EIF2AK2: variants seen among roughly 807,000 people sequenced by gnomAD.
EIF2AK2 encodes interferon-induced, double-stranded RNA-activated protein kinase.
Under a neutral mutation model 70.5 loss-of-function variants are expected in EIF2AK2, and 40 were observed. The observed-to-expected ratio is 0.57, with a 90% confidence interval of 0.44 to 0.74. The LOEUF (loss-of-function observed/expected upper bound fraction) is 0.74, where lower values mean the gene tolerates loss of function less well. Among genes scored for constraint, EIF2AK2 ranks in the 30% least tolerant of loss-of-function variants. EIF2AK2 has a pLI of 0.00. For missense variants in EIF2AK2, 555 were observed against 644.3 expected (o/e 0.86, Z 1.50); for synonymous variants, 198 against 220.9 (o/e 0.90, Z 0.92).
rs70949733 is a variant in EIF2AK2 at position 37,121,262 on chromosome 2, C to CAAA, written c.1068-1126_1068-1124dup. The stretch of plus-strand genomic sequence containing the variant: ...TGTGCGACAGTGCGAGACACCGTCT[C>CAAA]AAAAAAAAAAAAAAAAAAAAAAACG... On this transcript the variant is annotated intron_variant, in intron 12 of 16. Coordinates refer to ENST00000233057, the MANE Select transcript of EIF2AK2 (RefSeq NM_001135651.3). Among the ~76,000 whole-genome samples, 276 of 72,522 alleles carry CAAA rather than the reference C, an allele frequency of 3.8e-3. 2 individuals carry two copies. Among genetic ancestry groups the CAAA allele is most frequent in the Middle Eastern group, 0.013 (1 of 80 alleles). 47.6% of individuals were successfully genotyped at this position (72,522 alleles called of 152,430 possible).
chr2:37,120,025 G>A lies in EIF2AK2; in HGVS notation c.1182C>T (p.Leu394=), dbSNP rs773284307. ...CCACCCCTTTTGTTATTTGTTCAAA[G>A]AGTTCCAAAGCCAAAACTTTGTCTA... ...EKLDKVLALE[L]FEQITKGVDY... The change falls in exon 13 of 17, where the codon CTC becomes CTT. Residue 394 remains leucine, a synonymous_variant. Transcript: ENST00000233057. 1.3e-6 allele frequency: 2 copies of A among 1,558,434 alleles called. No homozygotes were observed. Among genetic ancestry groups the A allele is most frequent in the Non-Finnish European group, 1.7e-6 (2 of 1,148,680 alleles).
At position 37,142,793 on chromosome 2, in the gene EIF2AK2, T is replaced by C. The variant is rs996790698; in HGVS notation, c.241-1092A>G. ...GACTTCATGTTTCATTTTATAAGCATTGCTACACTATCTCCTGGTTTATAA... is the reference window on the plus strand; with the variant it reads ...GACTTCATGTTTCATTTTATAAGCACTGCTACACTATCTCCTGGTTTATAA... On this transcript the variant is annotated intron_variant, in intron 4 of 16. Transcript: ENST00000233057. Among the ~76,000 whole-genome samples the C allele has an allele frequency of 2.0e-5, 3 of 152,340 alleles. No individual in the cohort carries two copies. The East Asian group carries it at 5.8e-4, about 29-fold the overall frequency.
intron 10 of EIF2AK2, among the ~76,000 whole-genome samples, chr2:37,130,530 T>C (rs1174876910): frequency 6.6e-6 from 1 of 152,254 alleles, no homozygotes; most frequent in African/African-American, 2.4e-5. Context: ...GTTCTGTTTG[T>C]CCTGTTGTCC....
chr2:37,152,110 A>C (rs1307667682), intron 1 of EIF2AK2, among the ~76,000 whole-genome samples: 1 of 152,214 alleles, frequency 6.6e-6, no homozygotes, highest in Non-Finnish European at 1.5e-5. Context: ...TAAACCTCAA[A>C]AACATTATGC....
intron 1 of EIF2AK2, among the ~76,000 whole-genome samples, chr2:37,154,392 G>C (rs534989016): frequency 6.6e-6 from 1 of 151,968 alleles, no homozygotes; most frequent in East Asian, 1.9e-4. Flanking sequence ...GTCTCCACAA[G>C]CCACTGAAAT....
Position 37,147,533 on chromosome 2 carries a change from G to A in EIF2AK2, c.119+155C>T, listed in dbSNP as rs1316842580. ...TGTGTCCATGTGTTCTCATTGCTCA[G>A]TTCTCACCTATGAGTGAGAACATGC... On this transcript the variant is annotated intron_variant, in intron 3 of 16. Coordinates refer to ENST00000233057, the MANE Select transcript of EIF2AK2 (RefSeq NM_001135651.3). Among the ~76,000 whole-genome samples the A allele has an allele frequency of 4.3e-5, 6 of 139,288 alleles. No homozygotes were observed. In the East Asian group the frequency reaches 1.3e-3, roughly 30 times the overall value. The allele number at this position is 139,288 out of a possible 152,430, so 91.4% of individuals were successfully genotyped here. A position where few individuals can be genotyped will look rare whatever the true frequency, so the allele number is the denominator to read the frequency against.
chr2:37,147,864 C>A, intron 2 of EIF2AK2, 42 bp from the exon 3 acceptor site: 1 of 1,384,010 alleles, frequency 7.2e-7, no homozygotes, highest in Non-Finnish European at 1.0e-6. Context: ...GCTCACAGAA[C>A]ATATTTAATC....
intron 5 of EIF2AK2, 21 bp downstream of exon 5, chr2:37,141,532 A>G (rs369855905): frequency 4.4e-6 from 7 of 1,601,640 alleles, no homozygotes; most frequent in Admixed American, 1.8e-5. Context: ...AAACAGAAAG[A>G]AAAGCCAAAT....
At chr2:37,109,099 A>G in intron 15 of EIF2AK2, 95 bp downstream of exon 15, 7 of 1,038,702 alleles carry the variant, frequency 6.7e-6, no homozygotes, top group Non-Finnish European at 8.7e-6. Flanking sequence ...GCTCAAGCCC[A>G]TCCTCACGTG....
intron 1 of EIF2AK2, among the ~76,000 whole-genome samples, chr2:37,154,356 C>CA (rs1203581701): frequency 6.6e-6 from 1 of 151,294 alleles, no homozygotes; most frequent in Non-Finnish European, 1.5e-5. Flanking sequence ...AACAAACAAA[C>CA]AAAAAAACAT....
rs1444570023 is a variant in EIF2AK2 at position 37,101,778 on chromosome 2, C to A, written c.*5495G>T. ...AATGTTGGATCTAGATTTCAACAAC[C>A]AAGAAAACTGTATTTTTGAGATAGA... On this transcript the variant is annotated 3_prime_UTR_variant, in exon 17 of 17. Transcript: ENST00000233057. The A allele has an allele frequency of 6.6e-6, 1 of 152,004 alleles. No homozygotes were observed. Among genetic ancestry groups the A allele is most frequent in the Non-Finnish European group, 1.5e-5 (1 of 68,018 alleles). 9.4% of individuals were successfully genotyped at this position (152,004 alleles called of 1,614,324 possible).
intron 1 of EIF2AK2, among the ~76,000 whole-genome samples, chr2:37,150,139 G>C (rs1453374768): frequency 2.5e-5 from 3 of 121,002 alleles, no homozygotes; most frequent in African/African-American, 8.0e-5. Flanking sequence ...AGGAAGTGAC[G>C]GTAAAAAAAA....
chr2:37,136,797 T>C lies in EIF2AK2; in HGVS notation c.722+186A>G. On this transcript the variant is annotated intron_variant, in intron 9 of 16. Transcript: ENST00000233057. ...CCCAAAGTGCTTTATGTTTACAGTG[T>C]AGCATGTGCACATAGTCAAAGATTT... 6.2e-6 allele frequency: 3 copies of C among 487,624 alleles called. 1 individual carries two copies. Among genetic ancestry groups the C allele is most frequent in the South Asian group, 5.8e-5 (2 of 34,538 alleles). The allele number at this position is 487,624 out of a possible 1,614,324, so 30.2% of individuals were successfully genotyped here. A position where few individuals can be genotyped will look rare whatever the true frequency, so the allele number is the denominator to read the frequency against.
chr2:37,145,522 T>C (rs1263856753), intron 4 of EIF2AK2, among the ~76,000 whole-genome samples: 1 of 152,110 alleles, frequency 6.6e-6, no homozygotes, highest in Non-Finnish European at 1.5e-5. Flanking sequence ...AAAAGAGTTA[T>C]AGTAAGCTAA....
intron 10 of EIF2AK2, among the ~76,000 whole-genome samples, 165 bp downstream of exon 10, chr2:37,135,319 G>A (rs993396015): frequency 1.3e-5 from 2 of 152,064 alleles, no homozygotes; most frequent in African/African-American, 4.8e-5. Flanking sequence ...CCCATTCCTG[G>A]GCCCCCTCTT....
intron 2 of EIF2AK2, 29 bp downstream of exon 2, chr2:37,148,828 G>C: frequency 1.2e-6 from 1 of 835,238 alleles, no homozygotes; most frequent in Admixed American, 1.7e-5. Flanking sequence ...CCACTTTTCT[G>C]AGTGCAAAAT....
chr2:37,153,432 T>C (rs770656891), intron 1 of EIF2AK2, among the ~76,000 whole-genome samples: 2 of 149,110 alleles, frequency 1.3e-5, no homozygotes, highest in Non-Finnish European at 3.0e-5. Flanking sequence ...CCTTGAACTC[T>C]GGGCTCAAGC....
chr2:37,124,685 G>A (rs1177111393), intron 11 of EIF2AK2, among the ~76,000 whole-genome samples: 1 of 151,378 alleles, frequency 6.6e-6, no homozygotes, highest in African/African-American at 2.4e-5. Flanking sequence ...GAATGACACT[G>A]TGATTTATAT....
intron 13 of EIF2AK2, among the ~76,000 whole-genome samples, chr2:37,118,466 G>T (rs1358919408): frequency 6.6e-6 from 1 of 152,248 alleles, no homozygotes; most frequent in Non-Finnish European, 1.5e-5. Context: ...TGGCAGGTAA[G>T]TGGGTAGGCA....
Sources: gnomAD v4.1 joint callset for allele counts (sites outside exome capture counted in the v4.1 genomes callset) on GRCh38, gnomAD v4.1.1 for gene constraint, MANE v1.5 for transcripts, NCBI Gene and HGNC (gene_info 2026-07-23, HGNC 2026-07-21) for gene names.